The following ARFRP1 variants were observed in gnomAD, a reference collection of about 807,000 sequenced individuals.
ARFRP1 encodes ARF related protein 1, also known as ADP-ribosylation factor-related protein 1.
A neutral mutation model predicts 30.3 loss-of-function variants in ARFRP1; 19 were observed. That is an observed-to-expected ratio of 0.63 (90% CI 0.44 to 0.92). ARFRP1 has a LOEUF of 0.92. ARFRP1 is among the 40% of genes least tolerant of loss of function. ARFRP1 has a pLI of 0.00. For synonymous variants in ARFRP1, 133 were observed against 114.2 expected, an observed-to-expected ratio of 1.16 and a Z score of -1.05; for missense variants, 245 against 267.5, an observed-to-expected ratio of 0.92 and a Z score of 0.59.
chr20:63,701,997 T>TCCCC, intron 5 of ARFRP1, 97 bp from the exon 6 acceptor site: 1 of 684,614 alleles, frequency 1.5e-6, no homozygotes, highest in Non-Finnish European at 2.2e-6. Flanking sequence ...CCACTCCCTC[T>TCCCC]GCCCCCCCCC....
At chr20:63,705,571 G>A (rs1005703922) in intron 4 of ARFRP1, 2 of 489,566 alleles carry the variant, frequency 4.1e-6, no homozygotes, top group East Asian at 1.1e-4. Context: ...CTGCCGCTGT[G>A]AGACCCTGAG....
At chr20:63,707,172 T>C in intron 1 of ARFRP1, 75 bp from the exon 2 acceptor site, 3 of 1,337,444 alleles carry the variant, frequency 2.2e-6, no homozygotes, top group Non-Finnish European at 1.0e-6. Context: ...CGGTGGTCAG[T>C]GGCGCCCCAC....
chr20:63,703,047 C>T (rs2091287913), intron 4 of ARFRP1: 1 of 152,278 alleles, frequency 6.6e-6, no homozygotes, highest in African/African-American at 2.4e-5. Context: ...GCACCTCTAT[C>T]TCAATCAGAA....
chr20:63,707,345 C>G (rs1277917243), intron 1 of ARFRP1: 2 of 461,216 alleles, frequency 4.3e-6, no homozygotes, highest in Non-Finnish European at 7.9e-6. Flanking sequence ...GGCCCCTCCC[C>G]TGCTCGCGGG....
At chr20:63,701,760 C>G in intron 6 of ARFRP1, 70 bp downstream of exon 6, 4 of 1,437,876 alleles carry the variant, frequency 2.8e-6, no homozygotes, top group Non-Finnish European at 3.8e-6. Flanking sequence ...TGGGTGCACA[C>G]CTGCTCCCCT....
rs1393188762 is a variant in ARFRP1, at chr20:63,702,008, C to CT, written c.347-109_347-108insA. 3.8e-5 allele frequency: 40 copies of CT among 1,061,154 alleles called. 1 individual carries two copies. In the Admixed American group the frequency reaches 5.7e-4, roughly 15 times the overall value. 65.7% of individuals were successfully genotyped at this position (1,061,154 alleles called of 1,614,324 possible). A position where few individuals can be genotyped will look rare whatever the true frequency, so the allele number is the denominator to read the frequency against. ...ACAGCCACTCCCTCTGCCCCCCCCC[C>CT]CCCCGTCACCCACTAGGCAGGAGCA... On this transcript the variant is annotated intron_variant, in intron 5 of 7. Coordinates refer to ENST00000622789, the MANE Select transcript of ARFRP1 (RefSeq NM_001267547.3).
rs1291583262 is a variant in ARFRP1, at chr20:63,701,814, C to G, written c.417+16G>C. 5 of 1,549,182 alleles carry G rather than the reference C, an allele frequency of 3.2e-6. No individual in the cohort carries two copies. The East Asian group carries it at 1.2e-4, about 38-fold the overall frequency. On this transcript the variant is annotated intron_variant, in intron 6 of 7. Coordinates refer to ENST00000622789, the MANE Select transcript of ARFRP1 (RefSeq NM_001267547.3). ...GGACTCGGGAAGCTGCTGCGGGAGG[C>G]AGGGGTGGGGCTCACCTCCACATCC...
intron 2 of ARFRP1, 33 bp downstream of exon 2, chr20:63,706,966 G>T: frequency 6.2e-7 from 1 of 1,610,772 alleles, no homozygotes; most frequent in South Asian, 1.1e-5. Context: ...GCCAGGCCGT[G>T]GGAAAGGTGC....
chr20:63,702,932 A>G (rs1243755860), intron 4 of ARFRP1: 7 of 152,534 alleles, frequency 4.6e-5, no homozygotes, highest in African/African-American at 1.7e-4. Flanking sequence ...AGACCTCTGC[A>G]GCCTGGGCTG....
intron 6 of ARFRP1, 23 bp downstream of exon 6, chr20:63,701,807 C>T (rs1033098782): frequency 3.2e-6 from 5 of 1,548,390 alleles, no homozygotes; most frequent in African/African-American, 2.7e-5. Context: ...GAAGCTGCTG[C>T]GGGAGGCAGG....
intron 4 of ARFRP1, chr20:63,702,822 C>G (rs1427043832): frequency 6.5e-6 from 1 of 154,932 alleles, no homozygotes; most frequent in South Asian, 2.0e-4. Flanking sequence ...TGTGCCAGCA[C>G]CTCGCACAGG....
intron 5 of ARFRP1, 101 bp from the exon 6 acceptor site, chr20:63,702,001 C>CCT: frequency 3.5e-6 from 1 of 286,214 alleles, no homozygotes; most frequent in Non-Finnish European, 5.4e-6. Context: ...TCCCTCTGCC[C>CCT]CCCCCCCCCC....
chr20:63,702,416 G>A (rs2091260383), intron 4 of ARFRP1, 199 bp from the exon 5 acceptor site: 1 of 589,486 alleles, frequency 1.7e-6, no homozygotes, highest in Non-Finnish European at 3.0e-6. Flanking sequence ...CTGCTCCTGA[G>A]AACCTGCCGG....
Position 63,706,653 on chromosome 20 carries a change from T to C in ARFRP1, c.179A>G (p.Asn60Ser). The change falls in exon 3 of 8, where the codon AAC (asparagine) becomes AGC (serine). Residue 60 changes from asparagine (N) to serine (S), a missense_variant and splice_region_variant. Transcript: ENST00000622789. ...CAGCCTGCTATTGAGACCCTTACTGTTTAGGCCCACGGTGGTGGTGATTTT... is the reference window on the plus strand; with the variant it reads ...CAGCCTGCTATTGAGACCCTTACTGCTTAGGCCCACGGTGGTGGTGATTTT... ...LSKITTTVGL[N>S]IGTVDVGKAR... The C allele has an allele frequency of 6.2e-7, 1 of 1,609,624 alleles. No homozygotes were observed. Among genetic ancestry groups the C allele is most frequent in the Non-Finnish European group, 8.5e-7 (1 of 1,175,924 alleles).
At chr20:63,701,641 C>A in intron 6 of ARFRP1, 189 bp downstream of exon 6, 1 of 613,304 alleles carries the variant, frequency 1.6e-6, no homozygotes, top group South Asian at 2.0e-5. Context: ...ACCTCCAGGG[C>A]TGGCAGCAGC....
chr20:63,700,750 C>T (rs377717326), intron 6 of ARFRP1, 48 bp from the exon 7 acceptor site: 3 of 1,594,936 alleles, frequency 1.9e-6, no homozygotes, highest in African/African-American at 2.7e-5. Flanking sequence ...CTGGCCCTGT[C>T]CTGCCTGTGG....
intron 6 of ARFRP1, 120 bp from the exon 7 acceptor site, chr20:63,700,822 G>C (rs1187710448): frequency 2.2e-6 from 3 of 1,349,886 alleles, no homozygotes; most frequent in Non-Finnish European, 2.0e-6. Context: ...AGCTCCACCA[G>C]GGTCCCAGTG....
intron 6 of ARFRP1, chr20:63,701,148 T>TCC: frequency 2.2e-6 from 1 of 447,914 alleles, no homozygotes; most frequent in Non-Finnish European, 4.7e-6. Flanking sequence ...AAAGCAGCCC[T>TCC]CCCCTCCCCT....
At chr20:63,706,529 T>G (rs1311739782) in intron 3 of ARFRP1, 90 bp from the exon 4 acceptor site, 2 of 1,530,950 alleles carry the variant, frequency 1.3e-6, no homozygotes, top group Non-Finnish European at 1.8e-6. Flanking sequence ...CAAACCATGC[T>G]GGTGCCACTC....
Sources: gnomAD v4.1 joint callset for allele counts on GRCh38, gnomAD v4.1.1 for gene constraint, MANE v1.5 for transcripts, NCBI Gene and HGNC (gene_info 2026-07-23, HGNC 2026-07-21) for gene names.